Variants in CAPS2 observed in about 807,000 individuals in gnomAD.
CAPS2 encodes calcyphosin-2.
CAPS2 carries 98 observed loss-of-function variants against 86.5 expected under a neutral mutation model. The observed-to-expected ratio is 1.13, with a 90% CI of 0.96 to 1.34. The LOEUF (loss-of-function observed/expected upper bound fraction) is 1.34, where lower values mean the gene tolerates loss of function less well. Ranked by LOEUF, CAPS2 falls within the 40% of genes most tolerant of loss-of-function variation. CAPS2 has a pLI of 0.00. For synonymous variants in CAPS2, 210 were observed against 225.1 expected (o/e 0.93, Z 0.60); for missense variants, 729 against 686.8 (o/e 1.06, Z -0.69).
intron 5 of CAPS2, chr12:75,318,103 T>C (rs1055264808): frequency 1.3e-5 from 2 of 152,156 alleles, no homozygotes; most frequent in Non-Finnish European, 2.9e-5. Context: ...TTTGTCTTTC[T>C]GTGCCTGGTT....
chr12:75,369,505 A>T (rs2044216317), intron 1 of CAPS2: 1 of 977,096 alleles, frequency 1.0e-6, no homozygotes, highest in Admixed American at 6.2e-5. Flanking sequence ...GCTGGATGCT[A>T]TTAGAATGGT....
intron 1 of CAPS2, chr12:75,370,369 A>G: frequency 2.2e-6 from 1 of 444,788 alleles, no homozygotes; most frequent in Non-Finnish European, 4.0e-6. Context: ...ATAAAGTCTT[A>G]AGATTATTTT....
downstream of CAPS2, chr12:75,276,168 T>C (rs1365043457): frequency 8.6e-6 from 13 of 1,518,782 alleles, no homozygotes; most frequent in Admixed American, 2.9e-4. Flanking sequence ...TTATTTTATA[T>C]ATGCCCATTA....
intron 11 of CAPS2, among the ~76,000 whole-genome samples, chr12:75,296,091 G>A (rs1313400620): frequency 6.6e-6 from 1 of 152,102 alleles, no homozygotes; most frequent in East Asian, 1.9e-4. Flanking sequence ...GTAGAACACA[G>A]CAGTTTAGAT....
chr12:75,302,944 C>G (rs1385533236), intron 8 of CAPS2, among the ~76,000 whole-genome samples: 1 of 152,108 alleles, frequency 6.6e-6, no homozygotes, highest in South Asian at 2.1e-4. Flanking sequence ...TTTCAGCAAC[C>G]AGTTGGGAAA....
intron 1 of CAPS2, among the ~76,000 whole-genome samples, chr12:75,344,518 A>T (rs1227670958): frequency 6.6e-6 from 1 of 151,916 alleles, no homozygotes. Context: ...TTTCTCTTTC[A>T]TCTAGCTTTT....
rs138853325 is a variant in CAPS2, at chr12:75,355,490, T to G, written c.-394-32268A>C. On this transcript the variant is annotated intron_variant, in intron 1 of 5. Coordinates refer to the CAPS2 transcript ENST00000551829. ...GAAACAACAGATGCTGGTGAGGTTG[T>G]GGAGAAATAGGAACGTTTTTACACT... 6.6e-5 allele frequency among the ~76,000 whole-genome samples: 10 copies of G among 152,220 alleles called. No homozygotes were observed. In the East Asian group the frequency reaches 1.9e-3, roughly 29 times the overall value.
At chr12:75,308,133 T>A (rs1234878688) in intron 7 of CAPS2, among the ~76,000 whole-genome samples, 1 of 152,158 alleles carries the variant, frequency 6.6e-6, no homozygotes, top group East Asian at 1.9e-4. Flanking sequence ...ACTTTGTAAC[T>A]CCCTTCAGCC....
chr12:75,292,159 C>G (rs2036080590), intron 12 of CAPS2, among the ~76,000 whole-genome samples: 1 of 152,060 alleles, frequency 6.6e-6, no homozygotes, highest in African/African-American at 2.4e-5. Flanking sequence ...CTCCGCCTCC[C>G]AGGTTCAAGC....
At chr12:75,349,576 GTTA>G (rs1388464276) in intron 1 of CAPS2, among the ~76,000 whole-genome samples, 3 of 152,076 alleles carry the variant, frequency 2.0e-5, no homozygotes, top group Admixed American at 1.3e-4. Context: ...CATTAAAATG[GTTA>G]TTATAACTGT....
chr12:75,293,318 C>G, exon 12 of CAPS2: 1 of 1,611,912 alleles, frequency 6.2e-7, no homozygotes. Flanking sequence ...TTCTTTGATG[C>G]TTTCTGGAAG....
intron 1 of CAPS2, chr12:75,369,890 C>A: frequency 7.6e-7 from 1 of 1,322,788 alleles, no homozygotes; most frequent in Non-Finnish European, 9.9e-7. Flanking sequence ...TTCTAAAAGC[C>A]ATAAAAGCAA....
intron 1 of CAPS2, among the ~76,000 whole-genome samples, chr12:75,382,690 A>T (rs1490891556): frequency 6.6e-6 from 1 of 152,162 alleles, no homozygotes; most frequent in African/African-American, 2.4e-5. Context: ...TGCAGTGTAC[A>T]AGTGTACAGA....
intron 12 of CAPS2, among the ~76,000 whole-genome samples, chr12:75,292,871 T>C (rs1459660352): frequency 6.6e-6 from 1 of 151,250 alleles, no homozygotes; most frequent in Non-Finnish European, 1.5e-5. Flanking sequence ...ACCCTCAGAC[T>C]TTTTTAGATA....
rs944191197 is a variant in CAPS2 at position 75,285,462 on chromosome 12, G to A, written c.1396-382C>T. Among the ~76,000 whole-genome samples the A allele has an allele frequency of 6.6e-5, 10 of 151,868 alleles. No homozygotes were observed. In the East Asian group the frequency reaches 1.5e-3, roughly 23 times the overall value. On this transcript the variant is annotated intron_variant, in intron 14 of 16. Transcript: ENST00000393284. ...AATATTTATCATTTATTTGTGACAA[G>A]AGCACTTAAAATCCTCCCTTTTAGG...
chr12:75,308,902 C>CAAAA lies in CAPS2; in HGVS notation c.659+3942_659+3945dup, dbSNP rs10634496. ...TGGGCGACAGAGCGAGACTCGGTCT[C>CAAAA]AAAAAAAAAAAAAAAAAAAAAGGGG... is the stretch of plus-strand genomic sequence containing the variant. On this transcript the variant is annotated intron_variant, in intron 7 of 16. Coordinates refer to ENST00000393284, the Ensembl canonical transcript of CAPS2. Among the ~76,000 whole-genome samples, 212 of 98,120 alleles carry CAAAA rather than the reference C, an allele frequency of 2.2e-3. 5 individuals carry two copies. In the East Asian group the frequency reaches 0.037, roughly 17 times the overall value. 64.4% of individuals were successfully genotyped at this position (98,120 alleles called of 152,430 possible).
At chr12:75,359,357 CTTTTTTTTTTTTTTTT>C (rs61616225) in intron 1 of CAPS2, among the ~76,000 whole-genome samples, 2 of 28,600 alleles carry the variant, frequency 7.0e-5, no homozygotes, top group African/African-American at 2.8e-4. Flanking sequence ...GCATTGTTGT[CTTTTTTTTTTTTTTTT>C]TTTTTTTTTT....
intron 1 of CAPS2, chr12:75,369,666 T>C (rs2044228150): frequency 4.1e-6 from 4 of 984,820 alleles, no homozygotes; most frequent in Non-Finnish European, 4.8e-6. Context: ...GAATTGGGAA[T>C]GAAAGAGTGG....
chr12:75,303,309 A>G (rs1352130956), intron 8 of CAPS2, among the ~76,000 whole-genome samples: 5 of 152,204 alleles, frequency 3.3e-5, no homozygotes, highest in Admixed American at 1.3e-4. Context: ...TAAATTAACA[A>G]ATAAGTGCCA....
Sources: allele counts gnomAD v4.1 joint callset (sites outside exome capture counted in the v4.1 genomes callset), GRCh38; gene constraint gnomAD v4.1.1; transcripts MANE v1.5; gene names NCBI Gene and HGNC (gene_info 2026-07-23, HGNC 2026-07-21).